Variants in ZNF454 observed in about 807,000 individuals in gnomAD.
ZNF454 encodes zinc finger protein 454.
In ZNF454, 30 loss-of-function variants were observed where a neutral mutation model predicts 48.2. The ratio of observed to expected loss-of-function variants is 0.62; its 90% confidence interval spans 0.47 to 0.84. ZNF454 has a LOEUF of 0.84. Among genes scored for constraint, ZNF454 ranks in the 40% least tolerant of loss-of-function variants. The pLI is 0.00. For synonymous variants in ZNF454, 204 were observed against 211.4 expected, an observed-to-expected ratio of 0.97 and a Z score of 0.30; for missense variants, 510 against 623.1, an observed-to-expected ratio of 0.82 and a Z score of 1.93.
At chr5:178,986,448 C>T in the ZNF454 span, 14 of 1,613,152 alleles carry the variant, frequency 8.7e-6, no homozygotes, top group East Asian at 4.5e-5. Context: ...TGGCCACCAC[C>T]GTGGTAGTGG....
intron 4 of ZNF454, among the ~76,000 whole-genome samples, chr5:178,951,185 C>T (rs1186232747): frequency 6.6e-6 from 1 of 152,126 alleles, no homozygotes; most frequent in East Asian, 1.9e-4. Flanking sequence ...ATTTATTGCT[C>T]TTACATGTAA....
intron 1 of ZNF454, 92 bp from the exon 2 acceptor site, chr5:178,942,593 T>C (rs1344400819): frequency 3.7e-6 from 2 of 543,192 alleles, no homozygotes; most frequent in Non-Finnish European, 3.3e-6. Context: ...CACTCACTGC[T>C]TGGGGTACTG....
At chr5:178,956,113 G>A (rs1157399391) in intron 4 of ZNF454, among the ~76,000 whole-genome samples, 2 of 152,054 alleles carry the variant, frequency 1.3e-5, no homozygotes, top group African/African-American at 4.8e-5. Context: ...TTTACAAAAG[G>A]AACTCTATTT....
At chr5:178,972,817 G>A in the ZNF454 span, among the ~76,000 whole-genome samples, 4 of 152,146 alleles carry the variant, frequency 2.6e-5, no homozygotes, top group Non-Finnish European at 5.9e-5. Flanking sequence ...TGCTGACCCC[G>A]AGGACCTGTT....
chr5:178,988,917 G>T, the ZNF454 span: 1 of 1,602,386 alleles, frequency 6.2e-7, no homozygotes, highest in South Asian at 1.1e-5. This position sits in a 1 kb window ranked among gnomAD's most constrained non-coding sequence, Gnocchi z 6.0. Context: ...TGCTGCAGGG[G>T]GGCAGGCACC....
In ZNF454 at chr5:178,965,008, GA is replaced by G. The variant is rs752005964; in HGVS notation, c.611del (p.Asn204MetfsTer52). The G allele has an allele frequency of 1.9e-5, 31 of 1,613,678 alleles. No individual in the cohort carries two copies. Among genetic ancestry groups the G allele is most frequent in the African/African-American group, 2.7e-5 (2 of 74,810 alleles). The part of the protein sequence containing the change: ...TLNKHQKIHN[E>X]KNANQKIHIK... ...TAATAAACATCAGAAAATTCATAAT[GA>G]AAAAAATGCAAATCAGAAAATTCAT... is the stretch of plus-strand genomic sequence containing the variant. On this transcript the variant is annotated frameshift_variant, in exon 5 of 5. Coordinates refer to ENST00000519564, the MANE Select transcript of ZNF454 (RefSeq NM_001178089.3). LOFTEE classifies it high-confidence loss of function. The surrounding 1 kb of genome is among the most constrained non-coding windows in gnomAD (Gnocchi z 5.2).
intron 4 of ZNF454, among the ~76,000 whole-genome samples, chr5:178,964,395 C>T (rs1232831446): frequency 6.6e-6 from 1 of 152,180 alleles, no homozygotes; most frequent in African/African-American, 2.4e-5. Flanking sequence ...GCTGGGATTA[C>T]AGGTGTGAGC....
chr5:178,952,404 G>A (rs11748995), intron 4 of ZNF454, among the ~76,000 whole-genome samples: 440 of 152,166 alleles, frequency 2.9e-3, no homozygotes, highest in Middle Eastern at 6.8e-3. Flanking sequence ...TTCTTTGCCC[G>A]TTTTTCTATG....
In ZNF454 at chr5:178,946,033, G is replaced by A. The variant is rs1274395638; in HGVS notation, c.34-326G>A. Among the ~76,000 whole-genome samples, 2 of 152,110 alleles carry A rather than the reference G, an allele frequency of 1.3e-5. No individual in the cohort carries two copies. The highest frequency in any genetic ancestry group is 2.9e-5 in the Non-Finnish European group (2 of 68,006). On this transcript the variant is annotated intron_variant, in intron 2 of 4. Coordinates refer to ENST00000519564, the MANE Select transcript of ZNF454 (RefSeq NM_001178089.3). The surrounding 1 kb of genome is among the most constrained non-coding windows in gnomAD (Gnocchi z 4.5). ...AGACCTGCGTAGGATTTGGTCCCCTGGGGTGAGCGGAGAGGCAGGGCTAGG... is the reference window on the plus strand; with the variant it reads ...AGACCTGCGTAGGATTTGGTCCCCTAGGGTGAGCGGAGAGGCAGGGCTAGG...
rs1184499043 is a variant in ZNF454, at chr5:178,948,818, AATT to A, written c.250+1836_250+1838del. ...TAAAATTTAATATATATTTTATATA[AATT>A]ATTCTATGAATTTATATAATTTATA... On this transcript the variant is annotated intron_variant, in intron 4 of 4. Coordinates refer to ENST00000519564, the MANE Select transcript of ZNF454 (RefSeq NM_001178089.3). Among the ~76,000 whole-genome samples, 6 of 149,048 alleles carry A rather than the reference AATT, an allele frequency of 4.0e-5. No homozygotes were observed. The East Asian group carries it at 9.7e-4, about 24-fold the overall frequency.
intron 2 of ZNF454, among the ~76,000 whole-genome samples, chr5:178,943,826 C>A (rs1400678671): frequency 6.6e-6 from 1 of 152,120 alleles, no homozygotes; most frequent in African/African-American, 2.4e-5. Flanking sequence ...GAGATCGAGA[C>A]CATCCTGGCT....
intron 4 of ZNF454, among the ~76,000 whole-genome samples, chr5:178,962,254 T>C (rs913036924): frequency 2.0e-5 from 3 of 151,832 alleles, no homozygotes; most frequent in Non-Finnish European, 2.9e-5. Flanking sequence ...AGTTTTGCTT[T>C]TTCAAAGGTA....
the ZNF454 span, chr5:178,979,921 C>G: frequency 1.3e-5 from 2 of 154,434 alleles, no homozygotes; most frequent in East Asian, 3.9e-4. Context: ...CATGAGAGAG[C>G]TGCACAGGAG....
chr5:178,967,688 T>TC (rs1432729987), downstream of ZNF454, among the ~76,000 whole-genome samples: 4 of 151,914 alleles, frequency 2.6e-5, no homozygotes, highest in African/African-American at 9.6e-5. Context: ...AGTGGTACAG[T>TC]CGTCCTGCAA....
At chr5:178,960,781 G>A (rs1047426681) in intron 4 of ZNF454, among the ~76,000 whole-genome samples, 1 of 151,598 alleles carries the variant, frequency 6.6e-6, no homozygotes, top group Non-Finnish European at 1.5e-5. Context: ...CTCCAATACT[G>A]TGTGATTTGT....
the ZNF454 span, among the ~76,000 whole-genome samples, chr5:178,984,028 C>G: frequency 6.6e-6 from 1 of 152,174 alleles, no homozygotes; most frequent in Non-Finnish European, 1.5e-5. Flanking sequence ...AGTCATCTGC[C>G]CACCCAGAAG....
chr5:178,973,007 A>AC, the ZNF454 span, among the ~76,000 whole-genome samples: 177 of 151,680 alleles, frequency 1.2e-3, no homozygotes, highest in African/African-American at 4.1e-3. Flanking sequence ...AAAAAAAAAA[A>AC]AACCCAGAGG....
the ZNF454 span, among the ~76,000 whole-genome samples, chr5:178,982,576 CAAAAAAAA>C: frequency 5.0e-5 from 1 of 20,166 alleles, no homozygotes; most frequent in Non-Finnish European, 7.7e-5. Flanking sequence ...GACTCTGTCT[CAAAAAAAA>C]AAAAAAAAAA....
intron 4 of ZNF454, among the ~76,000 whole-genome samples, chr5:178,958,637 C>G (rs1332881570): frequency 2.6e-5 from 4 of 152,204 alleles, no homozygotes. Context: ...TATGCAAACT[C>G]TAACAGACAG....
Sources: gnomAD v4.1 joint callset for allele counts (sites outside exome capture counted in the v4.1 genomes callset) on GRCh38, gnomAD v4.1.1 for gene constraint, Gnocchi (gnomAD v3.1) non-coding constraint, MANE v1.5 for transcripts, NCBI Gene and HGNC (gene_info 2026-07-23, HGNC 2026-07-21) for gene names.